The following MED25 variants were observed in gnomAD, a reference collection of about 807,000 sequenced individuals.
MED25 encodes mediator of RNA polymerase II transcription subunit 25.
A neutral mutation model predicts 89.4 loss-of-function variants in MED25; 62 were observed. The observed-to-expected ratio is 0.69, with a 90% CI of 0.57 to 0.86. The LOEUF (loss-of-function observed/expected upper bound fraction) is 0.86. Ranked by LOEUF, MED25 falls within the 40% of genes least tolerant of loss-of-function variation. The pLI is 0.00. For missense variants in MED25, 905 were observed against 1,005.2 expected (o/e 0.90, Z 1.35); for synonymous variants, 449 against 427.9 (o/e 1.05, Z -0.61).
At chr19:49,832,254 C>G in intron 12 of MED25, 54 bp from the exon 13 acceptor site, 2 of 1,518,070 alleles carry the variant, frequency 1.3e-6, no homozygotes, top group African/African-American at 1.4e-5. Flanking sequence ...TGCCTCATGT[C>G]CCCGCCTCAC....
In MED25 at chr19:49,828,497, C is replaced by T. The variant is rs145574885; in HGVS notation, c.354C>T (p.Leu118=). The T allele has an allele frequency of 1.3e-3, 2,158 of 1,614,128 alleles. 1 individual carries two copies. Among genetic ancestry groups the T allele is most frequent in the Non-Finnish European group, 1.6e-3 (1,842 of 1,179,998 alleles). The change falls in exon 4 of 18, where the codon CTC becomes CTT. Residue 118 remains leucine (L), a synonymous_variant. Transcript: ENST00000312865. The stretch of plus-strand genomic sequence containing the variant: ...GCTGCAGCCTCATCGCGGAAGGACT[C>T]AGCACAGCCTTGCAGCTGTTTGATG... ...GESCSLIAEG[L]STALQLFDDF... is the part of the protein sequence containing the mutation.
In MED25 at chr19:49,831,603, G is replaced by A; in HGVS notation, c.1230+142G>A. On this transcript the variant is annotated intron_variant, in intron 10 of 17. Coordinates refer to ENST00000312865, the MANE Select transcript of MED25 (RefSeq NM_030973.4). This position sits in a 1 kb window ranked among gnomAD's most constrained non-coding sequence, Gnocchi z 5.0. ...TTGCGCTGGACCTGTGGGATGCGGG[G>A]CGAGGCCAGGAGCCCCATGGAGTGG... 1 of 1,123,022 alleles carries A rather than the reference G, an allele frequency of 8.9e-7. No homozygotes were observed. Among genetic ancestry groups the A allele is most frequent in the Non-Finnish European group, 1.3e-6 (1 of 799,584 alleles). The allele number at this position is 1,123,022 out of a possible 1,614,324, so 69.6% of individuals were successfully genotyped here. A position where few individuals can be genotyped will look rare whatever the true frequency, so the allele number is the denominator to read the frequency against.
rs1448159136 is a variant in MED25, at chr19:49,836,283, G to A, written c.2023G>A (p.Ala675Thr). 5 of 1,612,084 alleles carry A rather than the reference G, an allele frequency of 3.1e-6. No homozygotes were observed. Among genetic ancestry groups the A allele is most frequent in the Admixed American group, 1.7e-5 (1 of 59,960 alleles). Reference protein sequence around the residue: ...ASLHHLQPPGAPALLPPPHQG... With the variant: ...ASLHHLQPPGTPALLPPPHQG... ...CCTCCACCACCTCCAGCCACCAGGG[G>A]CTCCTGCGCTGCTGCCTCCGCCGCA... Residue 675 changes from alanine (A) to threonine (T), a missense_variant, in exon 17 of 18, where the codon GCT (alanine) becomes ACT (threonine). Transcript: ENST00000312865. The surrounding 1 kb of genome is among the most constrained non-coding windows in gnomAD (Gnocchi z 5.1).
intron 3 of MED25, among the ~76,000 whole-genome samples, chr19:49,822,456 G>A (rs1258404928): frequency 6.6e-6 from 1 of 151,138 alleles, no homozygotes; most frequent in Non-Finnish European, 1.5e-5. Flanking sequence ...TGTTTTTTTT[G>A]TGGAGACAAG....
In MED25 at chr19:49,835,087, C is replaced by G; in HGVS notation, c.1584C>G (p.Tyr528Ter). Residue 528 changes from tyrosine to a stop codon, truncating the protein, a stop_gained, in exon 14 of 18, where the codon TAC becomes TAG. Coordinates refer to ENST00000312865, the MANE Select transcript of MED25 (RefSeq NM_030973.4). LOFTEE classifies it high-confidence loss of function. This position sits in a 1 kb window ranked among gnomAD's most constrained non-coding sequence, Gnocchi z 6.2. ...KKKIFMGLIP[Y>*]DQSGFVNGIR... ...AGATCTTCATGGGCCTCATCCCCTA[C>G]GACCAGAGCGGCTTCGTCAACGGCA... 1 of 1,614,118 alleles carries G rather than the reference C, an allele frequency of 6.2e-7. No individual in the cohort carries two copies. The highest frequency in any genetic ancestry group is 1.1e-5 in the South Asian group (1 of 91,080).
downstream of MED25, chr19:49,839,913 T>C (rs1301234826): frequency 1.3e-5 from 2 of 152,228 alleles, no homozygotes; most frequent in African/African-American, 2.4e-5. Flanking sequence ...CTTGTGTGAA[T>C]GCAGACCATA....
intron 4 of MED25, 85 bp downstream of exon 4, chr19:49,828,632 G>GGGTGAGGCTGGAGGTAGAA: frequency 8.7e-7 from 1 of 1,154,376 alleles, no homozygotes; most frequent in Non-Finnish European, 1.3e-6. Flanking sequence ...TCTACCTCCA[G>GGGTGAGGCTGGAGGTAGAA]CCTCACCCTG....
At chr19:49,837,878 G>C (rs2074110466), downstream of MED25, among the ~76,000 whole-genome samples, 1 of 152,166 alleles carries the variant, frequency 6.6e-6, no homozygotes, top group Non-Finnish European at 1.5e-5. Flanking sequence ...TGACCTTCCA[G>C]GGCTGTGGAT....
intron 3 of MED25, among the ~76,000 whole-genome samples, chr19:49,825,415 G>T (rs1375766206): frequency 2.0e-5 from 3 of 151,886 alleles, no homozygotes; most frequent in African/African-American, 7.2e-5. Context: ...TGTCTGGCTG[G>T]TTTTTGTATT....
chr19:49,828,488 GGAA>G lies in MED25; in HGVS notation c.347_349del (p.Glu116del). On this transcript the variant is annotated inframe_deletion, in exon 4 of 18. Coordinates refer to ENST00000312865, the MANE Select transcript of MED25 (RefSeq NM_030973.4). The stretch of plus-strand genomic sequence containing the variant: ...GTGGTGAGAGCTGCAGCCTCATCGC[GGAA>G]GGACTCAGCACAGCCTTGCAGCTGT... The G allele has an allele frequency of 1.2e-6, 2 of 1,614,120 alleles. No homozygotes were observed. The highest frequency in any genetic ancestry group is 2.2e-5 in the East Asian group (1 of 44,886).
Position 49,830,558 on chromosome 19 carries a change from G to A in MED25, c.867G>A (p.Val289=), listed in dbSNP as rs202119489. The A allele has an allele frequency of 2.5e-6, 4 of 1,614,156 alleles. No homozygotes were observed. In the African/African-American group the frequency reaches 4.0e-5, roughly 16 times the overall value. ...CTCAGGTGGCCGCGCAGAATGCAGT[G>A]GAGGCTGCCAAGAACCAGAAGGCTG... The part of the protein sequence containing the change: ...SAAQVAAQNA[V]EAAKNQKAGL... Residue 289 remains valine, a synonymous_variant, in exon 8 of 18, where the codon GTG becomes GTA. Transcript: ENST00000312865. The surrounding 1 kb of genome is among the most constrained non-coding windows in gnomAD (Gnocchi z 4.6).
Position 49,818,312 on chromosome 19 carries a change from G to A in MED25, c.-30G>A, listed in dbSNP as rs769802973. On this transcript the variant is annotated 5_prime_UTR_variant, in exon 1 of 18. Coordinates refer to ENST00000312865, the MANE Select transcript of MED25 (RefSeq NM_030973.4). The stretch of plus-strand genomic sequence containing the variant: ...TCATTCCGCGGCGTCGGCTGCGGCT[G>A]CAGTGGTGGTGGCGGGTACCGCACG... 6.4e-7 allele frequency: 1 copy of A among 1,566,552 alleles called. No individual in the cohort carries two copies. The highest frequency in any genetic ancestry group is 1.1e-5 in the South Asian group (1 of 87,622).
At chr19:49,832,726 TACCA>T (rs1284506147) in intron 13 of MED25, among the ~76,000 whole-genome samples, 2 of 152,144 alleles carry the variant, frequency 1.3e-5, no homozygotes, top group Non-Finnish European at 2.9e-5. Context: ...GGTAACACAT[TACCA>T]CAAGCAGAGG....
At chr19:49,832,731 C>T (rs1207218810) in intron 13 of MED25, among the ~76,000 whole-genome samples, 2 of 152,138 alleles carry the variant, frequency 1.3e-5, no homozygotes, top group Non-Finnish European at 2.9e-5. Flanking sequence ...CACATTACCA[C>T]AAGCAGAGGG....
rs766592287 is a variant in MED25 at position 49,830,062 on chromosome 19, G to C, written c.689-26G>C. 16 of 1,600,936 alleles carry C rather than the reference G, an allele frequency of 1.0e-5. No homozygotes were observed. Among genetic ancestry groups the C allele is most frequent in the Non-Finnish European group, 1.3e-5 (15 of 1,173,496 alleles). ...CTGCATCTTGAATCCCTTCTCTCTG[G>C]GGTTGGCCATCCCTCCTGCTCTCAG... is the stretch of plus-strand genomic sequence containing the variant. On this transcript the variant is annotated intron_variant, in intron 6 of 17. Coordinates refer to ENST00000312865, the MANE Select transcript of MED25 (RefSeq NM_030973.4). The surrounding 1 kb of genome is among the most constrained non-coding windows in gnomAD (Gnocchi z 4.6).
downstream of MED25, chr19:49,839,732 A>T (rs2074121879): frequency 6.6e-6 from 1 of 152,200 alleles, no homozygotes; most frequent in Non-Finnish European, 1.5e-5. Context: ...AAGGAAAAAA[A>T]ACCTTTACTC....
rs77029922 is a variant in MED25 at position 49,836,125 on chromosome 19, T to G, written c.1966-101T>G. On this transcript the variant is annotated intron_variant, in intron 16 of 17. Transcript: ENST00000312865. The surrounding 1 kb of genome is among the most constrained non-coding windows in gnomAD (Gnocchi z 5.1). ...CCATCCCCCACCTTTGAAGAAAAACTTCCCCTCACCACTAGCTGATTCCAT... is the reference window on the plus strand; with the variant it reads ...CCATCCCCCACCTTTGAAGAAAAACGTCCCCTCACCACTAGCTGATTCCAT... The G allele has an allele frequency of 0.019, 29,615 of 1,520,818 alleles. 363 individuals carry two copies. Among genetic ancestry groups the G allele is most frequent in the Middle Eastern group, 0.06 (290 of 4,796 alleles). The allele number at this position is 1,520,818 out of a possible 1,614,324, so 94.2% of individuals were successfully genotyped here.
intron 3 of MED25, among the ~76,000 whole-genome samples, chr19:49,823,141 A>G (rs959311976): frequency 2.1e-4 from 32 of 151,960 alleles, no homozygotes; most frequent in African/African-American, 7.3e-4. Context: ...TCTTGTAGAG[A>G]TGAGGTCTTG....
intron 4 of MED25, 117 bp from the exon 5 acceptor site, chr19:49,828,853 G>A (rs973208926): frequency 2.7e-5 from 41 of 1,540,910 alleles, no homozygotes; most frequent in Non-Finnish European, 3.6e-5. Flanking sequence ...TAAAGTAGGG[G>A]CGTTGCTTCT....
Sources: gnomAD v4.1 joint callset for allele counts (sites outside exome capture counted in the v4.1 genomes callset) on GRCh38, gnomAD v4.1.1 for gene constraint, Gnocchi (gnomAD v3.1) non-coding constraint, MANE v1.5 for transcripts, NCBI Gene and HGNC (gene_info 2026-07-23, HGNC 2026-07-21) for gene names.